The following PDIA3 variants were observed in gnomAD, a reference collection of about 807,000 sequenced individuals.
The protein encoded by PDIA3 is protein disulfide-isomerase A3.
PDIA3 carries 16 observed loss-of-function variants against 56.9 expected under a neutral mutation model. The observed-to-expected ratio is 0.28, with a 90% CI of 0.19 to 0.43. PDIA3 has a LOEUF of 0.43. Ranked by LOEUF, PDIA3 falls within the 20% of genes least tolerant of loss-of-function variation. The pLI is 1.00. For synonymous variants in PDIA3, 192 were observed against 216.5 expected (o/e 0.89, Z 0.99); for missense variants, 485 against 621.3 (o/e 0.78, Z 2.33).
intron 12 of PDIA3, 140 bp downstream of exon 12, chr15:43,770,720 G>A: frequency 1.5e-6 from 1 of 649,344 alleles, no homozygotes; most frequent in South Asian, 1.9e-5. Flanking sequence ...CTGGGCTGGA[G>A]TGCAATGGCG....
In PDIA3 at chr15:43,751,663, G is replaced by C. The variant is rs575332178; in HGVS notation, c.168-2161G>C. On this transcript the variant is annotated intron_variant, in intron 1 of 12. Coordinates refer to ENST00000300289, the MANE Select transcript of PDIA3 (RefSeq NM_005313.5). ...TTTTTGTGGATTTGATGACCTTATG[G>C]ATATTGCCAAAGTTTAAGGCAGTGG... The C allele has an allele frequency of 2.3e-6, 3 of 1,304,076 alleles. No individual in the cohort carries two copies. In the East Asian group the frequency reaches 1.7e-4, roughly 72 times the overall value. The allele number at this position is 1,304,076 out of a possible 1,614,324, so 80.8% of individuals were successfully genotyped here. A position where few individuals can be genotyped will look rare whatever the true frequency, so the allele number is the denominator to read the frequency against.
intron 1 of PDIA3, 154 bp downstream of exon 1, chr15:43,746,860 G>A: frequency 2.4e-6 from 2 of 845,068 alleles, no homozygotes; most frequent in South Asian, 1.7e-5. Context: ...AGCTGGAGGC[G>A]CCTCGCCGAG....
At chr15:43,754,412 A>C (rs2086764199) in intron 2 of PDIA3, among the ~76,000 whole-genome samples, 1 of 151,574 alleles carries the variant, frequency 6.6e-6, no homozygotes, top group Non-Finnish European at 1.5e-5. Flanking sequence ...AAAAAAAAAA[A>C]ATTAAAAGTA....
chr15:43,766,065 A>C, intron 7 of PDIA3, 53 bp downstream of exon 7: 2 of 1,528,220 alleles, frequency 1.3e-6, no homozygotes, highest in African/African-American at 1.4e-5. Flanking sequence ...ATGTATAGAC[A>C]GTCCCTTCTA....
chr15:43,748,200 G>A (rs928895965), intron 1 of PDIA3, among the ~76,000 whole-genome samples: 2 of 152,280 alleles, frequency 1.3e-5, no homozygotes, highest in African/African-American at 2.4e-5. Flanking sequence ...TTTTGGGGCT[G>A]GGCATGGTGG....
intron 1 of PDIA3, among the ~76,000 whole-genome samples, chr15:43,752,102 G>C (rs1432705454): frequency 6.6e-6 from 1 of 152,136 alleles, no homozygotes; most frequent in African/African-American, 2.4e-5. Flanking sequence ...GCTGATTGAC[G>C]TAGTCTTAGT....
chr15:43,751,388 C>T (rs74363895), intron 1 of PDIA3, among the ~76,000 whole-genome samples: 1,931 of 152,144 alleles, frequency 0.013, 41 homozygotes, highest in African/African-American at 0.044. Context: ...AAGTACTTGA[C>T]GCATGGCACA....
In PDIA3 at chr15:43,772,935, C is replaced by T; in HGVS notation, c.*1717C>T. 1 of 587,982 alleles carries T rather than the reference C, an allele frequency of 1.7e-6. No individual in the cohort carries two copies. The allele number at this position is 587,982 out of a possible 1,614,324, so 36.4% of individuals were successfully genotyped here. On this transcript the variant is annotated 3_prime_UTR_variant, in exon 13 of 13. Transcript: ENST00000300289. ...CAGCTATGGAGTCTTTGCACAGTGCCCATACCCTAAAAATTAATAATGAAA... is the reference window on the plus strand; with the variant it reads ...CAGCTATGGAGTCTTTGCACAGTGCTCATACCCTAAAAATTAATAATGAAA...
intron 3 of PDIA3, among the ~76,000 whole-genome samples, chr15:43,759,945 C>T (rs569715375): frequency 3.9e-5 from 6 of 152,012 alleles, no homozygotes; most frequent in Non-Finnish European, 8.8e-5. Context: ...AAAAATTAGC[C>T]GGGCGTGGTG....
intron 1 of PDIA3, among the ~76,000 whole-genome samples, chr15:43,750,572 G>C (rs901145234): frequency 6.8e-6 from 1 of 146,370 alleles, no homozygotes; most frequent in Non-Finnish European, 1.5e-5. Flanking sequence ...TCAAGAGATC[G>C]AGACCATCCT....
At chr15:43,765,292 G>A (rs892869521) in intron 5 of PDIA3, among the ~76,000 whole-genome samples, 158 bp from the exon 6 acceptor site, 6 of 151,842 alleles carry the variant, frequency 4.0e-5, no homozygotes, top group Non-Finnish European at 1.5e-5. Flanking sequence ...AAGGTAGGAG[G>A]ATCACTTGAG....
intron 2 of PDIA3, among the ~76,000 whole-genome samples, chr15:43,754,133 T>C (rs2086761796): frequency 6.6e-6 from 1 of 152,176 alleles, no homozygotes; most frequent in African/African-American, 2.4e-5. Context: ...CAATGGCTCA[T>C]GCCTGTAATC....
rs752586563 is a variant in PDIA3, at chr15:43,768,637, C to T, written c.1137+40C>T. The T allele has an allele frequency of 1.4e-5, 18 of 1,297,440 alleles. No individual in the cohort carries two copies. In the Middle Eastern group the frequency reaches 5.5e-4, roughly 40 times the overall value. The allele number at this position is 1,297,440 out of a possible 1,614,324, so 80.4% of individuals were successfully genotyped here. A position where few individuals can be genotyped will look rare whatever the true frequency, so the allele number is the denominator to read the frequency against. The stretch of plus-strand genomic sequence containing the variant: ...GCCTCATCAAGCTATGAGCAATTGC[C>T]TGTCCTCATTTCTTTGTTCCAAAAC... On this transcript the variant is annotated intron_variant, in intron 9 of 12. Coordinates refer to ENST00000300289, the MANE Select transcript of PDIA3 (RefSeq NM_005313.5).
rs560639527 is a variant in PDIA3, at chr15:43,759,033, G to A, written c.364+2267G>A. On this transcript the variant is annotated intron_variant, in intron 3 of 12. Coordinates refer to ENST00000300289, the MANE Select transcript of PDIA3 (RefSeq NM_005313.5). The stretch of plus-strand genomic sequence containing the variant: ...AGGCCAGGCGTGGTGGCTCACGTCT[G>A]TAATCCCAGCACTTTGGGAGGCTGA... Among the ~76,000 whole-genome samples, 16 of 152,164 alleles carry A rather than the reference G, an allele frequency of 1.1e-4. No individual in the cohort carries two copies. In the South Asian group the frequency reaches 3.3e-3, roughly 32 times the overall value.
chr15:43,765,709 C>A, intron 6 of PDIA3, 143 bp downstream of exon 6: 2 of 843,632 alleles, frequency 2.4e-6, no homozygotes, highest in Admixed American at 2.2e-5. Context: ...TATATTAAAG[C>A]AGTAATGTGT....
At chr15:43,747,046 C>T (rs2086711695) in intron 1 of PDIA3, 1 of 287,556 alleles carries the variant, frequency 3.5e-6, no homozygotes, top group Admixed American at 5.1e-5. Flanking sequence ...ATTAATGCTC[C>T]TCCAGTCTAC....
rs538173947 is a variant in PDIA3 at position 43,757,168 on chromosome 15, G to T, written c.364+402G>T. 2.6e-5 allele frequency among the ~76,000 whole-genome samples: 4 copies of T among 152,318 alleles called. No individual in the cohort carries two copies. The South Asian group carries it at 8.3e-4, about 32-fold the overall frequency. On this transcript the variant is annotated intron_variant, in intron 3 of 12. Transcript: ENST00000300289. ...AAATATAGATGAGCTGGGTGCAGTG[G>T]CACGTACCTATAGTTTTAGCTACTC...
chr15:43,768,534 T>G lies in PDIA3; in HGVS notation c.1074T>G (p.Asp358Glu). 6.2e-7 allele frequency: 1 copy of G among 1,614,036 alleles called. No individual in the cohort carries two copies. Among genetic ancestry groups the G allele is most frequent in the Non-Finnish European group, 8.5e-7 (1 of 1,179,920 alleles). Residue 358 changes from aspartate to glutamate, a missense_variant, in exon 9 of 13, where the codon GAT becomes GAG. Transcript: ENST00000300289. The part of the protein sequence containing the change: ...ALERFLQDYF[D>E]GNLKRYLKSE... Reference sequence around the variant, plus strand: ...AGAGGTTCCTGCAGGATTACTTTGATGGCAATCTGAAGAGATACCTGAAGT... The same window carrying G: ...AGAGGTTCCTGCAGGATTACTTTGAGGGCAATCTGAAGAGATACCTGAAGT...
In PDIA3 at chr15:43,756,258, A is replaced by G. The variant is rs535980593; in HGVS notation, c.247-391A>G. ...TCAAATTACATTACACCTAAAGGATATGTACCACCATCGATATATCCCCTT... is the reference window on the plus strand; with the variant it reads ...TCAAATTACATTACACCTAAAGGATGTGTACCACCATCGATATATCCCCTT... On this transcript the variant is annotated intron_variant, in intron 2 of 12. Coordinates refer to ENST00000300289, the MANE Select transcript of PDIA3 (RefSeq NM_005313.5). Among the ~76,000 whole-genome samples the G allele has an allele frequency of 5.9e-5, 9 of 152,344 alleles. No homozygotes were observed. The East Asian group carries it at 1.5e-3, about 26-fold the overall frequency.
Sources: allele counts gnomAD v4.1 joint callset (sites outside exome capture counted in the v4.1 genomes callset), GRCh38; gene constraint gnomAD v4.1.1; transcripts MANE v1.5; gene names NCBI Gene and HGNC (gene_info 2026-07-23, HGNC 2026-07-21).